ARID5B: variants seen among roughly 807,000 people sequenced by gnomAD.
ARID5B encodes AT-rich interactive domain-containing protein 5B.
A neutral mutation model predicts 97.2 loss-of-function variants in ARID5B; 13 were observed. The observed-to-expected ratio is 0.13, with a 90% CI of 0.09 to 0.21. The LOEUF (loss-of-function observed/expected upper bound fraction) is 0.21, where lower values mean the gene tolerates loss of function less well. ARID5B is among the 10% of genes least tolerant of loss of function. The probability of loss-of-function intolerance (pLI) is 1.00; values close to 1 mark genes in which losing one functional copy is unlikely to be tolerated. For missense variants in ARID5B, 1,210 were observed against 1,465.3 expected, an observed-to-expected ratio of 0.83 and a Z score of 2.84; for synonymous variants, 556 against 570.3, an observed-to-expected ratio of 0.97 and a Z score of 0.36.
At chr10:61,943,482 T>G (rs904262829) in intron 3 of ARID5B, among the ~76,000 whole-genome samples, 1 of 146,892 alleles carries the variant, frequency 6.8e-6, no homozygotes, top group Non-Finnish European at 1.5e-5. Flanking sequence ...CCCCCCCCTT[T>G]TTTTCTGGTG....
intron 5 of ARID5B, among the ~76,000 whole-genome samples, chr10:62,055,004 G>A (rs1339185339): frequency 1.3e-5 from 2 of 152,160 alleles, no homozygotes; most frequent in Non-Finnish European, 2.9e-5. Context: ...CTCATTGTAG[G>A]TGCTCAATTG....
intron 8 of ARID5B, among the ~76,000 whole-genome samples, chr10:62,083,313 GA>G (rs35831175): frequency 0.069 from 8,910 of 128,818 alleles, 718 homozygotes; most frequent in Admixed American, 0.25. Flanking sequence ...AAGAAAAAAT[GA>G]AAAAAAAAAA....
At chr10:61,925,432 C>T (rs1288855537) in intron 2 of ARID5B, among the ~76,000 whole-genome samples, 1 of 151,888 alleles carries the variant, frequency 6.6e-6, no homozygotes, top group East Asian at 1.9e-4. Flanking sequence ...TTTATTATGG[C>T]AACCTGAAAG....
intron 4 of ARID5B, among the ~76,000 whole-genome samples, chr10:62,039,319 T>G (rs17216393): frequency 1.3e-5 from 2 of 152,240 alleles, no homozygotes. Flanking sequence ...ATTGATTGCA[T>G]GTTTCATTGA....
At chr10:61,974,871 T>C (rs574527481) in intron 3 of ARID5B, among the ~76,000 whole-genome samples, 49 of 152,102 alleles carry the variant, frequency 3.2e-4, no homozygotes, top group South Asian at 1.9e-3. Flanking sequence ...TGAAGTAATT[T>C]TGGAGTATGA....
chr10:61,994,952 G>T (rs10994997), intron 3 of ARID5B, among the ~76,000 whole-genome samples: 3,077 of 151,990 alleles, frequency 0.02, 45 homozygotes, highest in Non-Finnish European at 0.033. Flanking sequence ...CTTTTTTTTG[G>T]TATAGGAGAA....
intron 4 of ARID5B, among the ~76,000 whole-genome samples, chr10:62,047,242 C>G (rs2132926156): frequency 6.6e-6 from 1 of 152,196 alleles, no homozygotes; most frequent in East Asian, 1.9e-4. Flanking sequence ...TTATTGTATG[C>G]AAAGCACTCA....
Position 62,092,421 on chromosome 10 carries a change from C to A in ARID5B, c.2958C>A (p.Phe986Leu). ...GKPHHVRLENFRKMEGMVHPI... is the reference protein window; with the variant it reads ...GKPHHVRLENLRKMEGMVHPI... ...CTCACCATGTGAGACTGGAGAATTT[C>A]AGGAAGATGGAAGGCATGGTCCACC... Residue 986 changes from phenylalanine to leucine, a missense_variant, in exon 10 of 10, where the codon TTC becomes TTA. Around this residue, in one of 8 missense-constraint regions of ARID5B, gnomAD observed 800 missense variants for 839.1 expected, o/e 0.95. Transcript: ENST00000279873. The A allele has an allele frequency of 6.2e-7, 1 of 1,614,206 alleles. No homozygotes were observed. Among genetic ancestry groups the A allele is most frequent in the Non-Finnish European group, 8.5e-7 (1 of 1,180,038 alleles).
intron 3 of ARID5B, among the ~76,000 whole-genome samples, chr10:61,956,310 T>G (rs565424225): frequency 6.6e-6 from 1 of 152,332 alleles, no homozygotes; most frequent in African/African-American, 2.4e-5. Context: ...CTTGTGAGAA[T>G]GTAACTAATG....
intron 3 of ARID5B, among the ~76,000 whole-genome samples, chr10:61,992,558 C>T (rs1316654306): frequency 1.3e-5 from 2 of 152,014 alleles, no homozygotes; most frequent in Non-Finnish European, 2.9e-5. Context: ...TTGAAATATT[C>T]TTTGTTTTGT....
At position 62,090,948 on chromosome 10, in the gene ARID5B, A is replaced by C. The variant is rs1589294127; in HGVS notation, c.1485A>C (p.Lys495Asn). The change falls in exon 10 of 10, where the codon AAA becomes AAC. Residue 495 changes from lysine (K) to asparagine (N), a missense_variant. Physicochemically the swap from Lys to Asn is moderately conservative, Grantham distance 94. Around this residue, in one of 8 missense-constraint regions of ARID5B, gnomAD observed 800 missense variants for 839.1 expected, o/e 0.95. Coordinates refer to ENST00000279873, the MANE Select transcript of ARID5B (RefSeq NM_032199.3). ...PEPLPAADMK[K>N]KIEGYQEFSA... The stretch of plus-strand genomic sequence containing the variant: ...CTCTCCCAGCAGCAGACATGAAGAA[A>C]AAAATAGAAGGGTATCAGGAATTTT... 1 of 1,614,162 alleles carries C rather than the reference A, an allele frequency of 6.2e-7. No individual in the cohort carries two copies. Among genetic ancestry groups the C allele is most frequent in the East Asian group, 2.2e-5 (1 of 44,886 alleles).
intron 7 of ARID5B, among the ~76,000 whole-genome samples, chr10:62,061,017 C>G (rs1429058410): frequency 6.6e-6 from 1 of 151,816 alleles, no homozygotes; most frequent in East Asian, 1.9e-4. Context: ...AGTATTTATC[C>G]TTTTGTTGGA....
In ARID5B at chr10:62,034,105, C is replaced by T. The variant is rs578086815; in HGVS notation, c.734-16783C>T. Among the ~76,000 whole-genome samples the T allele has an allele frequency of 2.7e-4, 41 of 152,276 alleles. No individual in the cohort carries two copies. In the South Asian group the frequency reaches 3.5e-3, roughly 13 times the overall value. On this transcript the variant is annotated intron_variant, in intron 4 of 9. Coordinates refer to ENST00000279873, the MANE Select transcript of ARID5B (RefSeq NM_032199.3). ...GAGGCTATGTTTAATTTCGGGATGTCGTCCTTTTCTGGTGAAGATAATCAG... is the reference window on the plus strand; with the variant it reads ...GAGGCTATGTTTAATTTCGGGATGTTGTCCTTTTCTGGTGAAGATAATCAG...
At chr10:61,957,899 A>T (rs1838414640) in intron 3 of ARID5B, among the ~76,000 whole-genome samples, 1 of 152,230 alleles carries the variant, frequency 6.6e-6, no homozygotes, top group African/African-American at 2.4e-5. Context: ...TCACCATTTC[A>T]TGCTTCATAA....
At chr10:61,935,011 T>TAA (rs764799101) in intron 2 of ARID5B, among the ~76,000 whole-genome samples, 64 of 127,090 alleles carry the variant, frequency 5.0e-4, no homozygotes, top group Middle Eastern at 7.8e-3. Flanking sequence ...AGACTCTGAT[T>TAA]AAAAAAAAAA....
intron 7 of ARID5B, among the ~76,000 whole-genome samples, 196 bp downstream of exon 7, chr10:62,059,491 G>GT (rs1275370207): frequency 6.6e-6 from 1 of 152,062 alleles, no homozygotes; most frequent in Non-Finnish European, 1.5e-5. Context: ...TAAACTTGTC[G>GT]TAAAAACTAC....
intron 3 of ARID5B, among the ~76,000 whole-genome samples, chr10:61,975,404 G>A (rs1029929888): frequency 1.3e-5 from 2 of 152,188 alleles, no homozygotes; most frequent in Non-Finnish European, 2.9e-5. Flanking sequence ...TAGAAAGTGG[G>A]AGTAGCTCAG....
intron 3 of ARID5B, among the ~76,000 whole-genome samples, chr10:61,991,318 A>T (rs2132856493): frequency 6.6e-6 from 1 of 152,288 alleles, no homozygotes; most frequent in Non-Finnish European, 1.5e-5. Context: ...CCAACAATGC[A>T]CAGGGGTTCC....
At chr10:61,941,638 G>T (rs1191705244) in intron 3 of ARID5B, among the ~76,000 whole-genome samples, 5 of 152,020 alleles carry the variant, frequency 3.3e-5, no homozygotes, top group African/African-American at 9.7e-5. Context: ...ACCCTGGTTT[G>T]TGATGAGCTG....
Sources: allele counts gnomAD v4.1 joint callset (sites outside exome capture counted in the v4.1 genomes callset), GRCh38; gene constraint gnomAD v4.1.1; regional missense constraint gnomAD v4.1.1; transcripts MANE v1.5; gene names NCBI Gene and HGNC (gene_info 2026-07-23, HGNC 2026-07-21).